The following GALNTL6 variants were observed in gnomAD, a reference collection of about 807,000 sequenced individuals.
The protein encoded by GALNTL6 is polypeptide N-acetylgalactosaminyltransferase like 6.
Under a neutral mutation model 73.7 loss-of-function variants are expected in GALNTL6, and 46 were observed. That is an observed-to-expected ratio of 0.62 (90% CI 0.49 to 0.80). The LOEUF is 0.80. Among genes scored for constraint, GALNTL6 ranks in the 30% least tolerant of loss-of-function variants. The probability of loss-of-function intolerance (pLI) is 0.00; values close to 1 mark genes in which losing one functional copy is unlikely to be tolerated. For missense variants in GALNTL6, 604 were observed against 755.0 expected, an observed-to-expected ratio of 0.80 and a Z score of 2.34; for synonymous variants, 259 against 263.7, an observed-to-expected ratio of 0.98 and a Z score of 0.17.
intron 2 of GALNTL6, among the ~76,000 whole-genome samples, chr4:172,107,514 A>T (rs796591044): frequency 7.2e-5 from 11 of 152,092 alleles, no homozygotes; most frequent in African/African-American, 2.7e-4. Context: ...TGATGAGTTC[A>T]TGTCCTTTGT....
intron 8 of GALNTL6, among the ~76,000 whole-genome samples, chr4:172,883,188 C>T (rs1398126509): frequency 6.6e-6 from 1 of 152,178 alleles, no homozygotes; most frequent in Non-Finnish European, 1.5e-5. Flanking sequence ...TCCATCACCT[C>T]AAACATTCAT....
chr4:172,486,808 T>A (rs914691439), intron 5 of GALNTL6, among the ~76,000 whole-genome samples: 2 of 152,206 alleles, frequency 1.3e-5, no homozygotes, highest in African/African-American at 2.4e-5. Flanking sequence ...CAAAATTCCC[T>A]CTCACAACCG....
intron 5 of GALNTL6, among the ~76,000 whole-genome samples, chr4:172,491,886 T>A (rs1241739386): frequency 6.6e-6 from 1 of 152,174 alleles, no homozygotes; most frequent in East Asian, 1.9e-4. Flanking sequence ...AATTGAAAGA[T>A]GAATATCTAA....
At chr4:172,191,971 T>G (rs894191997) in intron 2 of GALNTL6, among the ~76,000 whole-genome samples, 12 of 151,198 alleles carry the variant, frequency 7.9e-5, no homozygotes, top group Non-Finnish European at 5.9e-5. Context: ...AAATAATTGA[T>G]GTTACCTATT....
At chr4:173,007,583 G>A (rs916794313) in intron 10 of GALNTL6, among the ~76,000 whole-genome samples, 6 of 152,256 alleles carry the variant, frequency 3.9e-5, no homozygotes, top group Middle Eastern at 3.4e-3. Context: ...GAGGCAGGTG[G>A]ATCAAGTGAG....
intron 2 of GALNTL6, among the ~76,000 whole-genome samples, chr4:171,920,127 G>T (rs534632142): frequency 3.3e-4 from 50 of 150,702 alleles, no homozygotes; most frequent in African/African-American, 1.2e-3. Flanking sequence ...CTGTCGCAAG[G>T]ACAAAAAAAC....
intron 2 of GALNTL6, among the ~76,000 whole-genome samples, chr4:171,913,536 AGC>A (rs1737530435): frequency 6.6e-6 from 1 of 152,224 alleles, no homozygotes; most frequent in Non-Finnish European, 1.5e-5. Context: ...TATTCTAATG[AGC>A]ATTTCTTCAG....
chr4:172,955,821 G>T (rs796733299), intron 10 of GALNTL6, among the ~76,000 whole-genome samples: 1 of 151,918 alleles, frequency 6.6e-6, no homozygotes, highest in African/African-American at 2.4e-5. Flanking sequence ...CAGTCAAAGG[G>T]GGGGTTGTTC....
At chr4:172,949,153 A>C (rs1397028254) in intron 9 of GALNTL6, among the ~76,000 whole-genome samples, 1 of 152,232 alleles carries the variant, frequency 6.6e-6, no homozygotes. Flanking sequence ...GAATTTGTTC[A>C]CATTCATTTC....
At chr4:172,489,541 G>A (rs1239775770) in intron 5 of GALNTL6, among the ~76,000 whole-genome samples, 2 of 152,176 alleles carry the variant, frequency 1.3e-5, no homozygotes, top group East Asian at 1.9e-4. Context: ...GTGTTTATAC[G>A]CACAGAGCAA....
chr4:172,156,571 A>AT (rs751638637), intron 2 of GALNTL6, among the ~76,000 whole-genome samples: 6 of 70,934 alleles, frequency 8.5e-5, no homozygotes, highest in African/African-American at 3.2e-4. Context: ...ATATATACAT[A>AT]CTATATATAT....
Position 172,577,022 on chromosome 4 carries a change from C to T in GALNTL6, c.553+228333C>T, listed in dbSNP as rs992168224. On this transcript the variant is annotated intron_variant, in intron 5 of 12. Coordinates refer to ENST00000506823, the MANE Select transcript of GALNTL6 (RefSeq NM_001034845.3). ...TGGAGTTCATCCTGCCAAACGGTCT[C>T]CACCTCTAGTCAGTGGCTGGAAAGA... is the stretch of plus-strand genomic sequence containing the variant. Among the ~76,000 whole-genome samples the T allele has an allele frequency of 6.6e-5, 10 of 152,148 alleles. No individual in the cohort carries two copies. The East Asian group carries it at 7.7e-4, about 12-fold the overall frequency.
chr4:172,800,111 G>C (rs560917700), intron 5 of GALNTL6, among the ~76,000 whole-genome samples: 27 of 152,230 alleles, frequency 1.8e-4, no homozygotes, highest in African/African-American at 4.3e-4. Context: ...CTGAAGCTGG[G>C]GGGGAGAGAG....
At chr4:172,964,864 G>A (rs550021057) in intron 10 of GALNTL6, among the ~76,000 whole-genome samples, 11 of 152,330 alleles carry the variant, frequency 7.2e-5, no homozygotes, top group Admixed American at 6.5e-4. Flanking sequence ...TCTGCACAAC[G>A]AGCGAGGCTC....
At chr4:172,552,837 T>TTAAA (rs1206029152) in intron 5 of GALNTL6, among the ~76,000 whole-genome samples, 2 of 80,410 alleles carry the variant, frequency 2.5e-5, no homozygotes, top group Admixed American at 3.5e-4. Flanking sequence ...GTAATTGCAG[T>TTAAA]AAAAAAAAAA....
At chr4:171,988,383 C>T (rs963571289) in intron 2 of GALNTL6, among the ~76,000 whole-genome samples, 3 of 152,140 alleles carry the variant, frequency 2.0e-5, no homozygotes, top group African/African-American at 7.2e-5. Context: ...GTAATAGGGG[C>T]TGTCTGTGAA....
At chr4:172,658,899 A>T (rs1405972644) in intron 5 of GALNTL6, among the ~76,000 whole-genome samples, 1 of 152,076 alleles carries the variant, frequency 6.6e-6, no homozygotes, top group Non-Finnish European at 1.5e-5. Context: ...AATTCTCTCT[A>T]CTTCAGTTTC....
intron 5 of GALNTL6, among the ~76,000 whole-genome samples, chr4:172,679,334 C>T (rs551899096): frequency 5.4e-4 from 82 of 151,978 alleles, no homozygotes; most frequent in African/African-American, 1.8e-3. Context: ...TCACTTGAAC[C>T]CTGGAGGCGG....
At chr4:172,487,000 A>AT in intron 5 of GALNTL6, among the ~76,000 whole-genome samples, 1 of 152,336 alleles carries the variant, frequency 6.6e-6, no homozygotes, top group African/African-American at 2.4e-5. Flanking sequence ...AAATTATAAA[A>AT]TTTGTACAAT....
Sources: gnomAD v4.1 joint callset for allele counts (sites outside exome capture counted in the v4.1 genomes callset) on GRCh38, gnomAD v4.1.1 for gene constraint, MANE v1.5 for transcripts, NCBI Gene and HGNC (gene_info 2026-07-23, HGNC 2026-07-21) for gene names.